The following PPP1R9A variants were observed in gnomAD, a reference collection of about 807,000 sequenced individuals.
The protein encoded by PPP1R9A is protein phosphatase 1 regulatory subunit 9A, also known as neurabin-1.
A neutral mutation model predicts 141.9 loss-of-function variants in PPP1R9A; 59 were observed. That is an observed-to-expected ratio of 0.42 (90% CI 0.34 to 0.52). The LOEUF (loss-of-function observed/expected upper bound fraction) is 0.52. Ranked by LOEUF, PPP1R9A falls within the 20% of genes least tolerant of loss-of-function variation. The pLI is 0.10. For missense variants in PPP1R9A, 1,444 were observed against 1,611.9 expected (o/e 0.90, Z 1.78); for synonymous variants, 500 against 569.7 (o/e 0.88, Z 1.74).
chr7:95,071,553 T>A lies in PPP1R9A; in HGVS notation c.1396-39706T>A, dbSNP rs578252298. 5.3e-5 allele frequency among the ~76,000 whole-genome samples: 8 copies of A among 152,116 alleles called. No individual in the cohort carries two copies. In the South Asian group the frequency reaches 1.7e-3, roughly 32 times the overall value. ...AGGAATGTGAAAAGCTTAGCTCAAC[T>A]TACCTTCCACTTTTATTTCTTTTAA... is the stretch of plus-strand genomic sequence containing the variant. On this transcript the variant is annotated intron_variant, in intron 2 of 19. Transcript: ENST00000433360.
At chr7:95,025,711 A>ATCAACCATAGATTTGG (rs1219391940) in intron 2 of PPP1R9A, among the ~76,000 whole-genome samples, 9 of 152,162 alleles carry the variant, frequency 5.9e-5, no homozygotes, top group Non-Finnish European at 1.0e-4. Context: ...AGGTACACCA[A>ATCAACCATAGATTTGG]TCAACCATAG....
intron 2 of PPP1R9A, among the ~76,000 whole-genome samples, chr7:95,004,161 T>C (rs569887027): frequency 2.0e-5 from 3 of 152,154 alleles, no homozygotes; most frequent in South Asian, 2.1e-4. Context: ...AAAAAAATTA[T>C]TGTGCCAAGA....
rs201287298 is a variant in PPP1R9A, at chr7:95,284,121, C to T, written c.3400C>T (p.Arg1134Trp). The T allele has an allele frequency of 2.7e-4, 423 of 1,590,160 alleles. No homozygotes were observed. The highest frequency in any genetic ancestry group is 3.4e-4 in the Non-Finnish European group (398 of 1,171,434). ...GCCTTTCTCATGGTTTAATGACAGC[C>T]GGAAAGGATCCTATTCCTTCAGGAA... ...CMPFSWFNDS[R>W]KGSYSFRNLP... The change falls in exon 17 of 20, where the codon CGG (arginine) becomes TGG (tryptophan). Residue 1134 changes from arginine to tryptophan, a missense_variant. This residue lies in a region of PPP1R9A where 459 missense variants were observed against 513.8 expected (regional missense o/e 0.89). Coordinates refer to ENST00000433360, the MANE Select transcript of PPP1R9A (RefSeq NM_001166160.2).
chr7:95,161,979 C>T lies in PPP1R9A; in HGVS notation c.1754+8C>T, dbSNP rs566267881. 6.4e-6 allele frequency: 10 copies of T among 1,566,910 alleles called. No homozygotes were observed. The highest frequency in any genetic ancestry group is 4.5e-5 in the South Asian group (4 of 88,400). On this transcript the variant is annotated splice_region_variant and intron_variant, in intron 5 of 19. Coordinates refer to ENST00000433360, the MANE Select transcript of PPP1R9A (RefSeq NM_001166160.2). ...CACCAAGGGCAACGTCAGGTAAATA[C>T]GTGCCTTCTAATATACACCATGTTG...
At chr7:95,133,633 T>C (rs1215196748) in intron 4 of PPP1R9A, among the ~76,000 whole-genome samples, 4 of 151,750 alleles carry the variant, frequency 2.6e-5, no homozygotes, top group African/African-American at 9.7e-5. Context: ...TTCATCATTC[T>C]TTGAAATGAA....
At chr7:95,103,904 T>G (rs1226662302) in intron 2 of PPP1R9A, among the ~76,000 whole-genome samples, 1 of 152,206 alleles carries the variant, frequency 6.6e-6, no homozygotes, top group Non-Finnish European at 1.5e-5. Flanking sequence ...TTAAAGTACT[T>G]TGGCATATAT....
Position 95,251,807 on chromosome 7 carries a change from A to G in PPP1R9A, c.2442A>G (p.Ile814Met), listed in dbSNP as rs749793754. 1 of 1,613,950 alleles carries G rather than the reference A, an allele frequency of 6.2e-7. No individual in the cohort carries two copies. Residue 814 changes from isoleucine (I) to methionine (M), a missense_variant, in exon 11 of 20, where the codon ATA (isoleucine) becomes ATG (methionine). Physicochemically the swap from Ile to Met is conservative, Grantham distance 10. This residue lies in a region of PPP1R9A where 488 missense variants were observed against 542.0 expected (regional missense o/e 0.90). Coordinates refer to ENST00000433360, the MANE Select transcript of PPP1R9A (RefSeq NM_001166160.2). The part of the protein sequence containing the change: ...IKRQEAERKK[I>M]EDLEKAHLVE... ...GACAGGAAGCAGAAAGAAAGAAAAT[A>G]GAAGATTTGGAAAAAGCTCATCTTG...
At chr7:94,953,333 G>A (rs1000624106) in intron 2 of PPP1R9A, among the ~76,000 whole-genome samples, 1 of 151,076 alleles carries the variant, frequency 6.6e-6, no homozygotes, top group Non-Finnish European at 1.5e-5. Flanking sequence ...GTTTTGGGTA[G>A]CAGTACCATG....
chr7:95,268,798 G>C, intron 13 of PPP1R9A, 91 bp downstream of exon 13: 1 of 1,464,958 alleles, frequency 6.8e-7, no homozygotes, highest in Non-Finnish European at 9.2e-7. Context: ...TCTGCAAACA[G>C]AGTCTATGTC....
chr7:95,221,325 T>C (rs1038452914), intron 7 of PPP1R9A, among the ~76,000 whole-genome samples: 2 of 152,124 alleles, frequency 1.3e-5, no homozygotes, highest in Non-Finnish European at 2.9e-5. Flanking sequence ...ATATAGACGC[T>C]AATTCCCAAT....
chr7:95,139,211 TCATGGCAGAAGG>T (rs1826195298), intron 4 of PPP1R9A, among the ~76,000 whole-genome samples: 2 of 152,244 alleles, frequency 1.3e-5, no homozygotes, highest in East Asian at 3.9e-4. Flanking sequence ...AAACTTATAG[TCATGGCAGAAGG>T]CACCTCCTCA....
At chr7:95,024,656 G>T (rs1187749197) in intron 2 of PPP1R9A, among the ~76,000 whole-genome samples, 1 of 150,482 alleles carries the variant, frequency 6.6e-6, no homozygotes, top group African/African-American at 2.5e-5. Flanking sequence ...CCTTTATTTT[G>T]AGCCTATGTG....
intron 16 of PPP1R9A, among the ~76,000 whole-genome samples, chr7:95,283,391 G>A (rs934289683): frequency 6.6e-6 from 1 of 152,066 alleles, no homozygotes; most frequent in Non-Finnish European, 1.5e-5. Flanking sequence ...ACTAAAAGCC[G>A]AGAGAAGGCC....
chr7:95,144,425 T>G (rs193007238), intron 4 of PPP1R9A, among the ~76,000 whole-genome samples: 19 of 152,288 alleles, frequency 1.2e-4, no homozygotes, highest in Admixed American at 1.2e-3. Context: ...TTTTTCCATA[T>G]TTTGGCTATT....
intron 2 of PPP1R9A, among the ~76,000 whole-genome samples, chr7:95,010,241 T>C (rs1804220926): frequency 6.6e-6 from 1 of 151,978 alleles, no homozygotes; most frequent in African/African-American, 2.4e-5. Context: ...ATAATGATAA[T>C]AATAATAATA....
At chr7:95,105,881 A>T (rs1011437473) in intron 2 of PPP1R9A, among the ~76,000 whole-genome samples, 19 of 152,130 alleles carry the variant, frequency 1.2e-4, no homozygotes, top group African/African-American at 4.6e-4. Context: ...AGCCTAATCT[A>T]TGTTCTAATA....
At chr7:95,015,477 GA>G in intron 2 of PPP1R9A, among the ~76,000 whole-genome samples, 1 of 152,168 alleles carries the variant, frequency 6.6e-6, no homozygotes, top group South Asian at 2.1e-4. Flanking sequence ...TAATAGAATG[GA>G]TGTAACAGAG....
chr7:94,937,169 G>A (rs993467339), intron 2 of PPP1R9A, among the ~76,000 whole-genome samples: 2 of 152,050 alleles, frequency 1.3e-5, no homozygotes, highest in African/African-American at 4.8e-5. Context: ...TTGTGTACAT[G>A]TCTGAGTGTT....
intron 2 of PPP1R9A, among the ~76,000 whole-genome samples, chr7:95,028,364 A>G (rs1404096905): frequency 6.6e-6 from 1 of 152,240 alleles, no homozygotes; most frequent in African/African-American, 2.4e-5. Flanking sequence ...ATGAAATATG[A>G]GAAATATGAA....
Sources: gnomAD v4.1 joint callset for allele counts (sites outside exome capture counted in the v4.1 genomes callset) on GRCh38, gnomAD v4.1.1 for gene constraint, gnomAD v4.1.1 regional missense constraint, MANE v1.5 for transcripts, NCBI Gene and HGNC (gene_info 2026-07-23, HGNC 2026-07-21) for gene names.